ARHGAP20: variants seen among roughly 807,000 people sequenced by gnomAD.
ARHGAP20 encodes the protein Rho GTPase activating protein 20, also known as rho GTPase-activating protein 20.
Under a neutral mutation model 73.7 loss-of-function variants are expected in ARHGAP20, and 34 were observed. The observed-to-expected ratio is 0.46, with a 90% CI of 0.35 to 0.61. ARHGAP20 has a LOEUF of 0.61. ARHGAP20 is among the 20% of genes least tolerant of loss of function. The pLI, the probability that ARHGAP20 is intolerant of heterozygous loss-of-function variation, is 0.00. For synonymous variants in ARHGAP20, 523 were observed against 518.2 expected (o/e 1.01, Z -0.13); for missense variants, 1,314 against 1,420.9 (o/e 0.92, Z 1.21).
At position 110,640,658 on chromosome 11, in the gene ARHGAP20, T is replaced by TA. The variant is rs770235550; in HGVS notation, c.189-9867dup. 5.9e-4 allele frequency among the ~76,000 whole-genome samples: 89 copies of TA among 150,626 alleles called. 1 individual carries two copies. Among genetic ancestry groups the TA allele is most frequent in the African/African-American group, 2.2e-3 (88 of 40,902 alleles). On this transcript the variant is annotated intron_variant, in intron 2 of 14. Transcript: ENST00000683387. Reference sequence around the variant, plus strand: ...GTACTATTACATTCTATCACCTTGATAAAATCACATTGAAATTACCAAAGA... The same window carrying TA: ...GTACTATTACATTCTATCACCTTGATAAAAATCACATTGAAATTACCAAAGA...
intron 12 of ARHGAP20, among the ~76,000 whole-genome samples, chr11:110,584,794 G>C (rs1947578612): frequency 6.6e-6 from 1 of 151,448 alleles, no homozygotes; most frequent in African/African-American, 2.4e-5. Context: ...TGATAGAAGA[G>C]GTCAGTTTTG....
At chr11:110,634,275 T>G (rs1001173610) in intron 2 of ARHGAP20, among the ~76,000 whole-genome samples, 4 of 152,042 alleles carry the variant, frequency 2.6e-5, no homozygotes, top group African/African-American at 9.7e-5. Flanking sequence ...GGCAAAACTC[T>G]TGTTGTTTTT....
At chr11:110,704,326 A>G (rs1474198810) in intron 1 of ARHGAP20, among the ~76,000 whole-genome samples, 2 of 152,174 alleles carry the variant, frequency 1.3e-5, no homozygotes, top group Admixed American at 6.5e-5. Context: ...TTGATATGTG[A>G]GCTGATGTGG....
chr11:110,679,809 ATG>A (rs1950003664), intron 2 of ARHGAP20, among the ~76,000 whole-genome samples: 1 of 152,210 alleles, frequency 6.6e-6, no homozygotes, highest in Non-Finnish European at 1.5e-5. Flanking sequence ...ACTCAGAACT[ATG>A]TATCAGAAAA....
At chr11:110,611,571 T>C (rs890952927) in intron 6 of ARHGAP20, among the ~76,000 whole-genome samples, 185 bp from the exon 7 acceptor site, 8 of 152,300 alleles carry the variant, frequency 5.3e-5, no homozygotes, top group African/African-American at 1.9e-4. Context: ...TTATAAATTA[T>C]GCCCTCTAAT....
intron 9 of ARHGAP20, among the ~76,000 whole-genome samples, chr11:110,606,199 C>T (rs538581412): frequency 6.6e-6 from 1 of 152,288 alleles, no homozygotes; most frequent in African/African-American, 2.4e-5. Flanking sequence ...CATTGACAGC[C>T]TCCTTTTTAT....
intron 10 of ARHGAP20, among the ~76,000 whole-genome samples, 182 bp downstream of exon 10, chr11:110,591,795 G>A (rs1200357665): frequency 6.6e-6 from 1 of 152,170 alleles, no homozygotes; most frequent in Admixed American, 6.6e-5. Flanking sequence ...TTCCCATTAT[G>A]TCTTCCTTCT....
At chr11:110,583,769 A>G in intron 12 of ARHGAP20, 32 bp from the exon 13 acceptor site, 1 of 1,483,090 alleles carries the variant, frequency 6.7e-7, no homozygotes, top group Non-Finnish European at 9.0e-7. Flanking sequence ...TTTAAGCAAG[A>G]CATTTCATTC....
chr11:110,628,505 A>G (rs1948793003), intron 3 of ARHGAP20, among the ~76,000 whole-genome samples: 1 of 152,180 alleles, frequency 6.6e-6, no homozygotes, highest in Non-Finnish European at 1.5e-5. Flanking sequence ...ATTTTTGCAA[A>G]GTGGCAGGAT....
At chr11:110,630,900 G>T in intron 2 of ARHGAP20, 108 bp from the exon 3 acceptor site, 1 of 1,116,276 alleles carries the variant, frequency 9.0e-7, no homozygotes, top group Non-Finnish European at 1.3e-6. Context: ...CATCCTAACT[G>T]GTCATGAGTC....
Position 110,639,483 on chromosome 11 carries a change from A to G in ARHGAP20, c.189-8691T>C, listed in dbSNP as rs555452227. ...TGCATAATTCAGTGGCATTTAGTAC[A>G]CTGACAGTGTTGTAAAACCATTATC... On this transcript the variant is annotated intron_variant, in intron 2 of 14. Transcript: ENST00000683387. 5.3e-5 allele frequency among the ~76,000 whole-genome samples: 8 copies of G among 152,048 alleles called. 1 individual carries two copies. The South Asian group carries it at 1.5e-3, about 28-fold the overall frequency.
intron 1 of ARHGAP20, among the ~76,000 whole-genome samples, chr11:110,710,504 G>A (rs997464436): frequency 1.3e-5 from 2 of 151,820 alleles, no homozygotes; most frequent in Non-Finnish European, 2.9e-5. Flanking sequence ...AATTCCTTAC[G>A]TTTACAAAAA....
chr11:110,580,015 G>A lies in ARHGAP20; in HGVS notation c.2931C>T (p.Cys977=), dbSNP rs1261226457. 6.2e-7 allele frequency: 1 copy of A among 1,614,210 alleles called. No individual in the cohort carries two copies. The highest frequency in any genetic ancestry group is 1.1e-5 in the South Asian group (1 of 91,080). The change falls in exon 15 of 15, where the codon TGC becomes TGT. Residue 977 remains cysteine (C), a synonymous_variant. Coordinates refer to ENST00000683387, the MANE Select transcript of ARHGAP20 (RefSeq NM_001384657.1). The part of the protein sequence containing the change: ...TPTETSSPID[C]TFQAQRKRED... ...CCCGTTTTCTCTGAGCCTGAAAAGT[G>A]CAATCTATTGGAGAGGAAGTCTCAG...
chr11:110,658,172 T>C (rs975493505), intron 2 of ARHGAP20, among the ~76,000 whole-genome samples: 6 of 152,168 alleles, frequency 3.9e-5, no homozygotes, highest in Non-Finnish European at 8.8e-5. Flanking sequence ...CTCAGGGTTG[T>C]TGTGAGGATT....
chr11:110,654,587 T>C (rs1949426010), intron 2 of ARHGAP20, among the ~76,000 whole-genome samples: 1 of 152,178 alleles, frequency 6.6e-6, no homozygotes, highest in African/African-American at 2.4e-5. Flanking sequence ...CCAAACCACA[T>C]TTTAAGTCAT....
rs775370719 is a variant in ARHGAP20 at position 110,580,754 on chromosome 11, C to A, written c.2192G>T (p.Cys731Phe). The change falls in exon 15 of 15, where the codon TGT (cysteine) becomes TTT (phenylalanine). Residue 731 changes from cysteine to phenylalanine, a missense_variant. By Grantham distance (205) the Cys-to-Phe change is radical. This residue lies in a region of ARHGAP20 where 641 missense variants were observed against 636.9 expected (regional missense o/e 1.01). Coordinates refer to ENST00000683387, the MANE Select transcript of ARHGAP20 (RefSeq NM_001384657.1). ...ATCTTTTTGAGAAAGAATTGCATCA[C>A]AGCTGGACTTGCGTAGCTTTTTCTG... ...FYQKKLRKSS[C>F]DAILSQKDED... The A allele has an allele frequency of 6.2e-7, 1 of 1,614,008 alleles. No homozygotes were observed. The highest frequency in any genetic ancestry group is 8.5e-7 in the Non-Finnish European group (1 of 1,180,022).
At chr11:110,673,128 C>A (rs1467106135) in intron 2 of ARHGAP20, among the ~76,000 whole-genome samples, 3 of 151,918 alleles carry the variant, frequency 2.0e-5, no homozygotes, top group African/African-American at 4.8e-5. Flanking sequence ...ATATATAAGA[C>A]AAAAAGAGGG....
intron 2 of ARHGAP20, among the ~76,000 whole-genome samples, chr11:110,682,611 A>T (rs1300721727): frequency 6.6e-6 from 1 of 152,164 alleles, no homozygotes. Flanking sequence ...AGGATCAATG[A>T]TCCACTTTTA....
At chr11:110,585,666 A>T (rs1351493477) in intron 12 of ARHGAP20, among the ~76,000 whole-genome samples, 1 of 152,164 alleles carries the variant, frequency 6.6e-6, no homozygotes, top group African/African-American at 2.4e-5. Flanking sequence ...CCTTTGCATG[A>T]GTAGAGACAG....
Sources: gnomAD v4.1 joint callset for allele counts (sites outside exome capture counted in the v4.1 genomes callset) on GRCh38, gnomAD v4.1.1 for gene constraint, gnomAD v4.1.1 regional missense constraint, MANE v1.5 for transcripts, NCBI Gene and HGNC (gene_info 2026-07-23, HGNC 2026-07-21) for gene names.